NKAIN3: variants seen among roughly 807,000 people sequenced by gnomAD.
The protein encoded by NKAIN3 is sodium/potassium-transporting ATPase subunit beta-1-interacting protein 3.
NKAIN3 carries 25 observed loss-of-function variants against 30.2 expected under a neutral mutation model. That is an observed-to-expected ratio of 0.83 (90% CI 0.60 to 1.16). The LOEUF (loss-of-function observed/expected upper bound fraction) is 1.16. Ranked by LOEUF, NKAIN3 falls within the 50% of genes most tolerant of loss-of-function variation. NKAIN3 has a pLI of 0.00. For synonymous variants in NKAIN3, 91 were observed against 89.6 expected (o/e 1.02, Z -0.09); for missense variants, 225 against 254.1 (o/e 0.89, Z 0.78).
intron 4 of NKAIN3, among the ~76,000 whole-genome samples, chr8:62,846,026 A>T (rs1014930945): frequency 1.3e-5 from 2 of 152,184 alleles, no homozygotes; most frequent in Non-Finnish European, 2.9e-5. Context: ...AAGTTTCTAA[A>T]ACTTAATTGC....
chr8:62,521,160 T>G (rs1333142104), intron 1 of NKAIN3, among the ~76,000 whole-genome samples: 4 of 151,830 alleles, frequency 2.6e-5, no homozygotes, highest in Non-Finnish European at 4.4e-5. Flanking sequence ...TCTGGGATGA[T>G]TTAGTTGCAG....
intron 3 of NKAIN3, among the ~76,000 whole-genome samples, chr8:62,645,074 AGTGG>A (rs1226808274): frequency 6.6e-6 from 1 of 152,142 alleles, no homozygotes; most frequent in Non-Finnish European, 1.5e-5. Context: ...GTCAAATCGC[AGTGG>A]TCTCTTGATG....
In NKAIN3 at chr8:62,345,430, CAT is replaced by C. The variant is rs1554669256; in HGVS notation, c.54+96308_54+96309del. On this transcript the variant is annotated intron_variant, in intron 1 of 6. Coordinates refer to ENST00000623646, the MANE Select transcript of NKAIN3 (RefSeq NM_001304533.3). ...ATATGTATATATACACATATATACA[CAT>C]ATATGTATATATACACACATATGTA... 6.2e-4 allele frequency among the ~76,000 whole-genome samples: 75 copies of C among 120,020 alleles called. 8 individuals carry two copies. The highest frequency in any genetic ancestry group is 2.7e-3 in the African/African-American group (70 of 26,058). 78.7% of individuals were successfully genotyped at this position (120,020 alleles called of 152,430 possible).
At chr8:62,257,768 C>A (rs1812307578) in intron 1 of NKAIN3, among the ~76,000 whole-genome samples, 1 of 152,046 alleles carries the variant, frequency 6.6e-6, no homozygotes, top group African/African-American at 2.4e-5. Context: ...ACAAAATTCA[C>A]TGAAATAGAA....
At chr8:62,892,998 G>T (rs184994062) in intron 4 of NKAIN3, among the ~76,000 whole-genome samples, 18 of 152,200 alleles carry the variant, frequency 1.2e-4, no homozygotes, top group Non-Finnish European at 2.2e-4. Flanking sequence ...AGTATAAAAA[G>T]GTGGTTTAAT....
chr8:62,891,225 A>G (rs930858502), intron 4 of NKAIN3, among the ~76,000 whole-genome samples: 1 of 152,210 alleles, frequency 6.6e-6, no homozygotes, highest in African/African-American at 2.4e-5. Context: ...AATAAAGCAG[A>G]CAGAAAAAGG....
At chr8:62,362,373 A>G (rs915081317) in intron 1 of NKAIN3, among the ~76,000 whole-genome samples, 3 of 152,182 alleles carry the variant, frequency 2.0e-5, no homozygotes, top group African/African-American at 4.8e-5. Flanking sequence ...CCAACCTTCT[A>G]TGCCAATCCC....
chr8:62,760,251 T>C (rs1358702916), intron 4 of NKAIN3, among the ~76,000 whole-genome samples: 1 of 152,154 alleles, frequency 6.6e-6, no homozygotes, highest in Non-Finnish European at 1.5e-5. Context: ...AGAAATACCA[T>C]TTGACCCAGC....
intron 1 of NKAIN3, among the ~76,000 whole-genome samples, chr8:62,254,439 A>G (rs1389107317): frequency 1.3e-5 from 2 of 152,166 alleles, no homozygotes; most frequent in African/African-American, 4.8e-5. Context: ...ACTTAATACA[A>G]GGTGAGTAGA....
intron 1 of NKAIN3, among the ~76,000 whole-genome samples, chr8:62,468,255 G>A (rs1806222806): frequency 6.6e-6 from 1 of 152,060 alleles, no homozygotes; most frequent in South Asian, 2.1e-4. Flanking sequence ...ACAGAAATTA[G>A]GATCATGAAA....
intron 4 of NKAIN3, among the ~76,000 whole-genome samples, chr8:62,874,028 A>G (rs1820722393): frequency 6.6e-6 from 1 of 152,264 alleles, no homozygotes; most frequent in Admixed American, 6.5e-5. Context: ...ACCCTCCAAA[A>G]AATCAACGAA....
At chr8:62,790,796 A>G (rs1196031573) in intron 4 of NKAIN3, among the ~76,000 whole-genome samples, 1 of 152,008 alleles carries the variant, frequency 6.6e-6, no homozygotes, top group Admixed American at 6.6e-5. Context: ...GATAAGTGCT[A>G]CTCACAGTGA....
intron 4 of NKAIN3, among the ~76,000 whole-genome samples, chr8:62,766,710 T>C (rs1816851008): frequency 6.6e-6 from 1 of 152,156 alleles, no homozygotes. Flanking sequence ...CCTGGAGATT[T>C]TCCCCTCAAT....
At chr8:62,479,986 T>C (rs1269995302) in intron 1 of NKAIN3, among the ~76,000 whole-genome samples, 2 of 152,212 alleles carry the variant, frequency 1.3e-5, no homozygotes, top group Non-Finnish European at 2.9e-5. Flanking sequence ...TGATTTTATT[T>C]TGAATCAAAG....
chr8:62,848,614 A>C (rs1444881518), intron 4 of NKAIN3, among the ~76,000 whole-genome samples: 1 of 152,130 alleles, frequency 6.6e-6, no homozygotes, highest in Non-Finnish European at 1.5e-5. Flanking sequence ...GTCATCTGCA[A>C]ACAGATAGTT....
chr8:62,793,199 A>G (rs555370516), intron 4 of NKAIN3, among the ~76,000 whole-genome samples: 11 of 147,740 alleles, frequency 7.4e-5, no homozygotes, highest in African/African-American at 2.2e-4. Context: ...TTACCAAGGG[A>G]AAAAAAAAAG....
chr8:62,510,995 C>G lies in NKAIN3; in HGVS notation c.55-68544C>G, dbSNP rs562091859. On this transcript the variant is annotated intron_variant, in intron 1 of 6. Transcript: ENST00000623646. The stretch of plus-strand genomic sequence containing the variant: ...CAGGTTTCTGTCCAGGTCCTCTCTT[C>G]TCAGTCCTCCTAAGGAAACCCACAT... Among the ~76,000 whole-genome samples the G allele has an allele frequency of 1.1e-4, 16 of 152,232 alleles. No individual in the cohort carries two copies. In the South Asian group the frequency reaches 3.3e-3, roughly 32 times the overall value.
At chr8:62,726,930 G>A (rs1270060936) in intron 3 of NKAIN3, among the ~76,000 whole-genome samples, 1 of 152,038 alleles carries the variant, frequency 6.6e-6, no homozygotes, top group African/African-American at 2.4e-5. Context: ...TATCTCTCAT[G>A]AACACATATG....
chr8:62,944,544 A>C (rs1320750887), intron 5 of NKAIN3, among the ~76,000 whole-genome samples: 1 of 152,188 alleles, frequency 6.6e-6, no homozygotes, highest in African/African-American at 2.4e-5. Context: ...ATATTCTTCC[A>C]TTCATTTAGA....
Sources: allele counts gnomAD v4.1 joint callset (sites outside exome capture counted in the v4.1 genomes callset), GRCh38; gene constraint gnomAD v4.1.1; transcripts MANE v1.5; gene names NCBI Gene and HGNC (gene_info 2026-07-23, HGNC 2026-07-21).